The following PACSIN1 variants were observed in gnomAD, a reference collection of about 807,000 sequenced individuals.
The protein encoded by PACSIN1 is protein kinase C and casein kinase substrate in neurons protein 1.
PACSIN1 carries 15 observed loss-of-function variants against 59.5 expected under a neutral mutation model. That is an observed-to-expected ratio of 0.25 (90% CI 0.17 to 0.39). The LOEUF (loss-of-function observed/expected upper bound fraction) is 0.39, where lower values mean the gene tolerates loss of function less well. Among genes scored for constraint, PACSIN1 ranks in the 10% least tolerant of loss-of-function variants. The probability of loss-of-function intolerance (pLI) is 1.00; values close to 1 mark genes in which losing one functional copy is unlikely to be tolerated. For missense variants in PACSIN1, 420 were observed against 580.2 expected, an observed-to-expected ratio of 0.72 and a Z score of 2.84; for synonymous variants, 210 against 220.6, an observed-to-expected ratio of 0.95 and a Z score of 0.42.
At chr6:34,503,841 C>G (rs997260997) in intron 1 of PACSIN1, among the ~76,000 whole-genome samples, 6 of 152,160 alleles carry the variant, frequency 3.9e-5, no homozygotes, top group African/African-American at 1.4e-4. Context: ...GTGAATACTG[C>G]CACCCGGATC....
In PACSIN1 at chr6:34,531,711, C is replaced by G. The variant is rs774883430; in HGVS notation, c.1149C>G (p.Asp383Glu). ...ACGGGGGCGCCAACCCCTTTGAGGA[C>G]GACTCCAAGGGAGTGCGCGTGCGGG... ...ETNGGANPFE[D>E]DSKGVRVRAL... The change falls in exon 9 of 10, where the codon GAC becomes GAG. Residue 383 changes from aspartate (D) to glutamate (E), a missense_variant. Transcript: ENST00000244458. The surrounding 1 kb of genome is among the most constrained non-coding windows in gnomAD (Gnocchi z 4.4). 1 of 1,612,742 alleles carries G rather than the reference C, an allele frequency of 6.2e-7. No homozygotes were observed. Among genetic ancestry groups the G allele is most frequent in the South Asian group, 1.1e-5 (1 of 90,896 alleles).
At chr6:34,511,563 C>T (rs1188838233) in intron 1 of PACSIN1, among the ~76,000 whole-genome samples, 2 of 152,208 alleles carry the variant, frequency 1.3e-5, no homozygotes, top group Non-Finnish European at 2.9e-5. Flanking sequence ...CTCCGGGTGC[C>T]TGCCAGGGCC....
Position 34,521,158 on chromosome 6 carries a change from G to A in PACSIN1, c.-63-5085G>A, listed in dbSNP as rs1044518614. Among the ~76,000 whole-genome samples, 1 of 152,202 alleles carries A rather than the reference G, an allele frequency of 6.6e-6. No homozygotes were observed. Among genetic ancestry groups the A allele is most frequent in the African/African-American group, 2.4e-5 (1 of 41,450 alleles). ...CTAAGTGACATTCCTGTGGGAAGGA[G>A]GACACGCAACGTGATGAATGCCGTG... On this transcript the variant is annotated intron_variant, in intron 1 of 9. Transcript: ENST00000244458. The surrounding 1 kb of genome is among the most constrained non-coding windows in gnomAD (Gnocchi z 4.3).
In PACSIN1 at chr6:34,529,977, T is replaced by C; in HGVS notation, c.788+136T>C. ...TGCAGGGGTCAAGAAGGATGAGGCTTCAAACACAGGGGCTGTTGAGTGCAA... is the reference window on the plus strand; with the variant it reads ...TGCAGGGGTCAAGAAGGATGAGGCTCCAAACACAGGGGCTGTTGAGTGCAA... On this transcript the variant is annotated intron_variant, in intron 6 of 9. Transcript: ENST00000244458. This position sits in a 1 kb window ranked among gnomAD's most constrained non-coding sequence, Gnocchi z 6.3. The C allele has an allele frequency of 9.4e-7, 1 of 1,063,394 alleles. No individual in the cohort carries two copies. The highest frequency in any genetic ancestry group is 1.5e-5 in the South Asian group (1 of 64,528). The allele number at this position is 1,063,394 out of a possible 1,614,324, so 65.9% of individuals were successfully genotyped here. A position where few individuals can be genotyped will look rare whatever the true frequency, so the allele number is the denominator to read the frequency against.
At chr6:34,510,031 A>G (rs575860734) in intron 1 of PACSIN1, among the ~76,000 whole-genome samples, 201 of 152,380 alleles carry the variant, frequency 1.3e-3, no homozygotes, top group African/African-American at 4.6e-3. Flanking sequence ...AATTTATACA[A>G]TGATATCCTA....
In PACSIN1 at chr6:34,521,969, G is replaced by A. The variant is rs1767400206; in HGVS notation, c.-63-4274G>A. ...ATGTAATCCTACTCTGCGCTGCACAGGCCCCAGGGTCAAGTCCTTACTCTG... is the reference window on the plus strand; with the variant it reads ...ATGTAATCCTACTCTGCGCTGCACAAGCCCCAGGGTCAAGTCCTTACTCTG... On this transcript the variant is annotated intron_variant, in intron 1 of 9. Coordinates refer to ENST00000244458, the MANE Select transcript of PACSIN1 (RefSeq NM_020804.5). This position sits in a 1 kb window ranked among gnomAD's most constrained non-coding sequence, Gnocchi z 4.3. Among the ~76,000 whole-genome samples the A allele has an allele frequency of 6.6e-6, 1 of 152,192 alleles. No homozygotes were observed. Among genetic ancestry groups the A allele is most frequent in the African/African-American group, 2.4e-5 (1 of 41,436 alleles).
At position 34,521,498 on chromosome 6, in the gene PACSIN1, C is replaced by T. The variant is rs1767391711; in HGVS notation, c.-63-4745C>T. Among the ~76,000 whole-genome samples the T allele has an allele frequency of 6.6e-6, 1 of 152,206 alleles. No individual in the cohort carries two copies. The highest frequency in any genetic ancestry group is 1.5e-5 in the Non-Finnish European group (1 of 68,036). ...ATGCCTGGGCCTGAGGAGAGATGCC[C>T]TCCACGCTGGGGCTCCTTTGTCACT... On this transcript the variant is annotated intron_variant, in intron 1 of 9. Coordinates refer to ENST00000244458, the MANE Select transcript of PACSIN1 (RefSeq NM_020804.5). The surrounding 1 kb of genome is among the most constrained non-coding windows in gnomAD (Gnocchi z 4.3).
Position 34,504,246 on chromosome 6 carries a change from A to ATGTGTG in PACSIN1, c.-63-21977_-63-21972dup, listed in dbSNP as rs372732742. 1.8e-3 allele frequency among the ~76,000 whole-genome samples: 189 copies of ATGTGTG among 107,818 alleles called. 2 individuals carry two copies. Among genetic ancestry groups the ATGTGTG allele is most frequent in the African/African-American group, 5.9e-3 (162 of 27,282 alleles). The allele number at this position is 107,818 out of a possible 152,430, so 70.7% of individuals were successfully genotyped here. On this transcript the variant is annotated intron_variant, in intron 1 of 9. Coordinates refer to ENST00000244458, the MANE Select transcript of PACSIN1 (RefSeq NM_020804.5). ...TTTGAGAAGCACATCAGACAATGTTATGTGTGTGTGTGTGTGTGTGTGTGT... is the reference window on the plus strand; with the variant it reads ...TTTGAGAAGCACATCAGACAATGTTATGTGTGTGTGTGTGTGTGTGTGTGTGTGTGT...
intron 1 of PACSIN1, among the ~76,000 whole-genome samples, chr6:34,498,796 C>CAA (rs1228510694): frequency 0.014 from 1,348 of 95,414 alleles, 37 homozygotes; most frequent in African/African-American, 0.041. Flanking sequence ...GACTTTGTCT[C>CAA]AAAAAAAAAA....
At chr6:34,484,058 T>C (rs762290092) in intron 1 of PACSIN1, among the ~76,000 whole-genome samples, 2 of 152,180 alleles carry the variant, frequency 1.3e-5, no homozygotes, top group Admixed American at 1.3e-4. Flanking sequence ...AGATTGTCCA[T>C]GGTCAAATTT....
At chr6:34,500,974 C>G (rs1366043206) in intron 1 of PACSIN1, among the ~76,000 whole-genome samples, 3 of 152,234 alleles carry the variant, frequency 2.0e-5, no homozygotes, top group East Asian at 3.8e-4. Context: ...TCTCAGACTT[C>G]ATAGAACTGA....
chr6:34,517,503 T>G (rs1449213485), intron 1 of PACSIN1, among the ~76,000 whole-genome samples: 1 of 136,926 alleles, frequency 7.3e-6, no homozygotes, highest in Non-Finnish European at 1.6e-5. Flanking sequence ...CCCCAACCTC[T>G]CCAGCCTCAC....
chr6:34,483,518 G>A (rs1189932491), intron 1 of PACSIN1, among the ~76,000 whole-genome samples: 1 of 152,034 alleles, frequency 6.6e-6, no homozygotes, highest in African/African-American at 2.4e-5. Context: ...GCTCCTCTAG[G>A]GGTCCTCACC....
chr6:34,469,429 G>T (rs982944660), intron 1 of PACSIN1, among the ~76,000 whole-genome samples: 2 of 152,062 alleles, frequency 1.3e-5, no homozygotes, highest in African/African-American at 4.8e-5. Context: ...TGGCGGGCAG[G>T]TCAGGGTCCC....
chr6:34,477,510 G>T (rs1766656056), intron 1 of PACSIN1, among the ~76,000 whole-genome samples: 1 of 152,064 alleles, frequency 6.6e-6, no homozygotes, highest in East Asian at 1.9e-4. Context: ...GGGACCAGGG[G>T]CACAGAAAGA....
In PACSIN1 at chr6:34,531,576, C is replaced by T; in HGVS notation, c.1038-24C>T. The T allele has an allele frequency of 1.2e-6, 2 of 1,611,074 alleles. No individual in the cohort carries two copies. Among genetic ancestry groups the T allele is most frequent in the Non-Finnish European group, 1.7e-6 (2 of 1,178,438 alleles). On this transcript the variant is annotated intron_variant, in intron 8 of 9. Coordinates refer to ENST00000244458, the MANE Select transcript of PACSIN1 (RefSeq NM_020804.5). The surrounding 1 kb of genome is among the most constrained non-coding windows in gnomAD (Gnocchi z 4.4). Reference sequence around the variant, plus strand: ...GATGCGGTACGGGGAGACATTGAAGCTGGCTCCTTCCTCCGCGTCTCAGTG... The same window carrying T: ...GATGCGGTACGGGGAGACATTGAAGTTGGCTCCTTCCTCCGCGTCTCAGTG...
At chr6:34,482,278 G>A (rs1157890906) in intron 1 of PACSIN1, among the ~76,000 whole-genome samples, 2 of 152,094 alleles carry the variant, frequency 1.3e-5, no homozygotes, top group Non-Finnish European at 2.9e-5. Flanking sequence ...TAGAGATGGG[G>A]TTTCACCATG....
At chr6:34,480,913 CTT>C (rs559455518) in intron 1 of PACSIN1, among the ~76,000 whole-genome samples, 2 of 137,888 alleles carry the variant, frequency 1.5e-5, no homozygotes, top group Admixed American at 7.2e-5. Flanking sequence ...GACTTTTTTT[CTT>C]TTTTTTTTTT....
intron 1 of PACSIN1, among the ~76,000 whole-genome samples, chr6:34,505,310 G>A (rs1040273234): frequency 1.3e-5 from 2 of 151,952 alleles, no homozygotes; most frequent in African/African-American, 4.8e-5. Context: ...GATGTGCCTT[G>A]GAGTGGATTT....
Sources: gnomAD v4.1 joint callset for allele counts (sites outside exome capture counted in the v4.1 genomes callset) on GRCh38, gnomAD v4.1.1 for gene constraint, Gnocchi (gnomAD v3.1) non-coding constraint, MANE v1.5 for transcripts, NCBI Gene and HGNC (gene_info 2026-07-23, HGNC 2026-07-21) for gene names.